Variants in BTD observed in about 807,000 individuals in gnomAD.
BTD encodes the protein biocytinase.
BTD carries 13 observed loss-of-function variants against 17.7 expected under a neutral mutation model. The ratio of observed to expected loss-of-function variants is 0.74; its 90% CI spans 0.48 to 1.17. The LOEUF is 1.17. Ranked by LOEUF, BTD falls within the 50% of genes most tolerant of loss-of-function variation. The pLI, the probability that BTD is intolerant of heterozygous loss-of-function variation, is 0.00. For missense variants in BTD, 674 were observed against 650.4 expected, an observed-to-expected ratio of 1.04 and a Z score of -0.39; for synonymous variants, 240 against 245.2, an observed-to-expected ratio of 0.98 and a Z score of 0.20.
chr3:15,666,381 C>A (rs1453531586), intron 3 of BTD, among the ~76,000 whole-genome samples: 4 of 137,596 alleles, frequency 2.9e-5, no homozygotes. Context: ...AGCCAGGTGA[C>A]CTTGGGCAAA....
chr3:15,666,573 AAAGGTTATTAAAG>A (rs1228615648), intron 3 of BTD, among the ~76,000 whole-genome samples: 4 of 152,382 alleles, frequency 2.6e-5, no homozygotes, highest in Middle Eastern at 3.4e-3. Context: ...CCACTTTGAG[AAAGGTTATTAAAG>A]CCCTCTTCAC....
chr3:15,635,736 G>A lies in BTD; in HGVS notation c.249+48G>A. The A allele has an allele frequency of 6.2e-7, 1 of 1,612,716 alleles. No individual in the cohort carries two copies. Among genetic ancestry groups the A allele is most frequent in the Non-Finnish European group, 8.5e-7 (1 of 1,179,718 alleles). On this transcript the variant is annotated intron_variant, in intron 2 of 3. Coordinates refer to ENST00000643237, the MANE Select transcript of BTD (RefSeq NM_001370658.1). This position sits in a 1 kb window ranked among gnomAD's most constrained non-coding sequence, Gnocchi z 4.1. ...GAGTTTCTCTCATACAGAGCAGATT[G>A]CTCTTTACCCCTTGATCAGTGGTTG...
intron 3 of BTD, among the ~76,000 whole-genome samples, chr3:15,700,963 C>A (rs1280215906): frequency 6.6e-6 from 1 of 152,122 alleles, no homozygotes; most frequent in Non-Finnish European, 1.5e-5. Flanking sequence ...AATTCCAAGT[C>A]TATAATTATT....
intron 1 of BTD, among the ~76,000 whole-genome samples, chr3:15,632,045 CCG>C (rs2065225034): frequency 6.6e-6 from 1 of 152,124 alleles, no homozygotes; most frequent in African/African-American, 2.4e-5. Context: ...TTGCACCCGC[CCG>C]TGAGGCATGC....
In BTD at chr3:15,648,482, A is replaced by G. The variant is rs562365346; in HGVS notation, c.*2994A>G. ...TATTCCCACATAACAAAGTGCCCCA[A>G]AACTTAATGGCATAAAACAAGCATG... On this transcript the variant is annotated 3_prime_UTR_variant, in exon 4 of 4. Coordinates refer to ENST00000643237, the MANE Select transcript of BTD (RefSeq NM_001370658.1). Among the ~76,000 whole-genome samples the G allele has an allele frequency of 7.2e-5, 11 of 152,252 alleles. No homozygotes were observed. Among genetic ancestry groups the G allele is most frequent in the African/African-American group, 2.4e-4 (10 of 41,546 alleles).
At chr3:15,715,464 T>A (rs2072893370), downstream of BTD, among the ~76,000 whole-genome samples, 1 of 152,254 alleles carries the variant, frequency 6.6e-6, no homozygotes, top group Admixed American at 6.5e-5. Context: ...TAGAACATCA[T>A]AAGTATCTAC....
At chr3:15,664,010 T>C (rs1023942873) in intron 3 of BTD, among the ~76,000 whole-genome samples, 1 of 152,222 alleles carries the variant, frequency 6.6e-6, no homozygotes, top group African/African-American at 2.4e-5. Flanking sequence ...CAAGCAATTC[T>C]CCTGCTTCAG....
chr3:15,602,054 C>G, intron 1 of BTD, 160 bp downstream of exon 1: 1 of 1,464,478 alleles, frequency 6.8e-7, no homozygotes, highest in East Asian at 2.4e-5. Flanking sequence ...TTGTGCGTTG[C>G]TGCTGTGCTA....
chr3:15,642,517 C>T (rs112929693), intron 3 of BTD, among the ~76,000 whole-genome samples: 3,746 of 149,176 alleles, frequency 0.025, 152 homozygotes, highest in African/African-American at 0.084. Context: ...CGCAGTGGCG[C>T]GATCTCAGCT....
intron 1 of BTD, among the ~76,000 whole-genome samples, chr3:15,623,149 T>A (rs2064991658): frequency 6.6e-6 from 1 of 152,214 alleles, no homozygotes; most frequent in Admixed American, 6.5e-5. Context: ...ACTCCCATGA[T>A]TCAATTATCT....
At chr3:15,620,546 T>C (rs2064921281) in intron 1 of BTD, among the ~76,000 whole-genome samples, 1 of 152,068 alleles carries the variant, frequency 6.6e-6, no homozygotes, top group South Asian at 2.1e-4. Flanking sequence ...GGTGCACTGA[T>C]TTCATATTTT....
chr3:15,620,984 G>A (rs968993531), intron 1 of BTD, among the ~76,000 whole-genome samples: 2 of 152,278 alleles, frequency 1.3e-5, no homozygotes, highest in African/African-American at 2.4e-5. Context: ...CCAGGGGGCT[G>A]CTGGTGCAAG....
downstream of BTD, among the ~76,000 whole-genome samples, chr3:15,655,585 C>G (rs996411597): frequency 3.3e-5 from 5 of 152,180 alleles, no homozygotes; most frequent in African/African-American, 1.2e-4. Flanking sequence ...AGAGACCAGG[C>G]CTGGCTTGCT....
chr3:15,643,231 T>C (rs1355779924), intron 3 of BTD, among the ~76,000 whole-genome samples: 2 of 152,172 alleles, frequency 1.3e-5, no homozygotes, highest in Non-Finnish European at 2.9e-5. Context: ...CTGGGCACAG[T>C]GCTTCACATC....
rs2125532000 is a variant in BTD, at chr3:15,652,836, T to C, written c.*7348T>C. On this transcript the variant is annotated 3_prime_UTR_variant, in exon 4 of 4. Transcript: ENST00000643237. ...AGTGCTATTAGTGGCTATTATTTGTTGGGTTACACAAAGCCAGAAATCATC... is the reference window on the plus strand; with the variant it reads ...AGTGCTATTAGTGGCTATTATTTGTCGGGTTACACAAAGCCAGAAATCATC... Among the ~76,000 whole-genome samples, 1 of 152,298 alleles carries C rather than the reference T, an allele frequency of 6.6e-6. No homozygotes were observed. The highest frequency in any genetic ancestry group is 1.5e-5 in the Non-Finnish European group (1 of 68,012).
At chr3:15,702,636 ATGAAC>A (rs2070779734) in intron 3 of BTD, among the ~76,000 whole-genome samples, 1 of 152,194 alleles carries the variant, frequency 6.6e-6, no homozygotes, top group South Asian at 2.1e-4. Context: ...CCTACCACTC[ATGAAC>A]CCTACTATTT....
intron 3 of BTD, among the ~76,000 whole-genome samples, chr3:15,680,633 C>T (rs772194509): frequency 2.6e-5 from 4 of 152,176 alleles, no homozygotes; most frequent in South Asian, 2.1e-4. Flanking sequence ...TTATCAACAA[C>T]GCTGTAATGA....
chr3:15,635,028 G>A lies in BTD; in HGVS notation c.-16-396G>A, dbSNP rs2065305885. Among the ~76,000 whole-genome samples the A allele has an allele frequency of 6.6e-6, 1 of 152,172 alleles. No homozygotes were observed. The highest frequency in any genetic ancestry group is 2.4e-5 in the African/African-American group (1 of 41,418). ...TGGCTGACCTGTAGTATGGATAGAG[G>A]GCAGAGGGTAGAGTGTGAAATATAT... is the stretch of plus-strand genomic sequence containing the variant. On this transcript the variant is annotated intron_variant, in intron 1 of 3. Coordinates refer to ENST00000643237, the MANE Select transcript of BTD (RefSeq NM_001370658.1). This position sits in a 1 kb window ranked among gnomAD's most constrained non-coding sequence, Gnocchi z 4.1.
rs541313817 is a variant in BTD at position 15,635,343 on chromosome 3, T to G, written c.-16-81T>G. ...TGCGAGTGAGTTTAATTGCTGGGAT[T>G]AATAAATCACAGCTGCAAACGTTAA... is the stretch of plus-strand genomic sequence containing the variant. On this transcript the variant is annotated intron_variant, in intron 1 of 3. Coordinates refer to ENST00000643237, the MANE Select transcript of BTD (RefSeq NM_001370658.1). This position sits in a 1 kb window ranked among gnomAD's most constrained non-coding sequence, Gnocchi z 4.1. The G allele has an allele frequency of 1.3e-4, 202 of 1,599,068 alleles. 1 individual carries two copies. The highest frequency in any genetic ancestry group is 1.6e-4 in the Non-Finnish European group (192 of 1,169,380).
Sources: gnomAD v4.1 joint callset for allele counts (sites outside exome capture counted in the v4.1 genomes callset) on GRCh38, gnomAD v4.1.1 for gene constraint, Gnocchi (gnomAD v3.1) non-coding constraint, MANE v1.5 for transcripts, NCBI Gene and HGNC (gene_info 2026-07-23, HGNC 2026-07-21) for gene names.